Variants in SGCD observed in about 807,000 individuals in gnomAD.
SGCD encodes delta-sarcoglycan.
Under a neutral mutation model 36.6 loss-of-function variants are expected in SGCD, and 18 were observed. The ratio of observed to expected loss-of-function variants is 0.49; its 90% confidence interval spans 0.34 to 0.73. The LOEUF (loss-of-function observed/expected upper bound fraction) is 0.73. Ranked by LOEUF, SGCD falls within the 30% of genes least tolerant of loss-of-function variation. SGCD has a pLI of 0.01. For synonymous variants in SGCD, 133 were observed against 130.6 expected (o/e 1.02, Z -0.12); for missense variants, 387 against 346.7 (o/e 1.12, Z -0.92).
intron 7 of SGCD, among the ~76,000 whole-genome samples, chr5:156,701,279 A>G (rs1441356646): frequency 6.6e-6 from 1 of 152,196 alleles, no homozygotes; most frequent in African/African-American, 2.4e-5. Flanking sequence ...AGTTGCTCAG[A>G]CATGCATAAA....
intron 3 of SGCD, among the ~76,000 whole-genome samples, chr5:156,219,014 A>C (rs879896341): frequency 2.6e-5 from 4 of 152,104 alleles, no homozygotes; most frequent in Admixed American, 2.6e-4. Flanking sequence ...ATGTGTCATC[A>C]CCTCAAAGGA....
chr5:156,071,590 A>G (rs1760564200), intron 1 of SGCD, among the ~76,000 whole-genome samples: 1 of 152,178 alleles, frequency 6.6e-6, no homozygotes, highest in Admixed American at 6.5e-5. Flanking sequence ...TGTGTTGCTG[A>G]AAAAAATGTA....
intron 1 of SGCD, among the ~76,000 whole-genome samples, chr5:155,894,550 G>T (rs76627121): frequency 6.6e-6 from 1 of 152,118 alleles, no homozygotes; most frequent in Non-Finnish European, 1.5e-5. Context: ...ACCAGTGAGC[G>T]TGAAGCTTCA....
At chr5:155,798,135 C>T in the SGCD span, among the ~76,000 whole-genome samples, 11 of 152,178 alleles carry the variant, frequency 7.2e-5, no homozygotes, top group African/African-American at 2.7e-4. Context: ...GCCTATAAAC[C>T]ACACAGATTC....
chr5:156,038,681 T>G (rs1759558464), intron 1 of SGCD, among the ~76,000 whole-genome samples: 1 of 152,120 alleles, frequency 6.6e-6, no homozygotes, highest in South Asian at 2.1e-4. Context: ...AGAGGCAACA[T>G]GGCTACATAA....
chr5:155,835,211 T>C, the SGCD span, among the ~76,000 whole-genome samples: 1 of 151,958 alleles, frequency 6.6e-6, no homozygotes, highest in African/African-American at 2.4e-5. Context: ...TTTTGCCATG[T>C]TGGCCAGGCT....
rs1213241959 is a variant in SGCD at position 156,050,452 on chromosome 5, A to G, written c.-281-67426A>G. ...AGTATCATGTAAACATAACTTTTCCATGTACTAGGAAACCAAAAAATTCTT... is the reference window on the plus strand; with the variant it reads ...AGTATCATGTAAACATAACTTTTCCGTGTACTAGGAAACCAAAAAATTCTT... On this transcript the variant is annotated intron_variant, in intron 1 of 9. Transcript: ENST00000517913. Among the ~76,000 whole-genome samples the G allele has an allele frequency of 2.0e-5, 3 of 146,770 alleles. 1 individual carries two copies. Among genetic ancestry groups the G allele is most frequent in the Non-Finnish European group, 4.6e-5 (3 of 65,048 alleles).
At chr5:156,728,550 C>T (rs969447231) in intron 7 of SGCD, among the ~76,000 whole-genome samples, 4 of 141,582 alleles carry the variant, frequency 2.8e-5, no homozygotes, top group Admixed American at 7.2e-5. Context: ...AGAGTCACTG[C>T]ACATGCTTAG....
intron 1 of SGCD, among the ~76,000 whole-genome samples, chr5:156,030,028 T>C (rs2127575351): frequency 6.6e-6 from 1 of 152,294 alleles, no homozygotes; most frequent in Non-Finnish European, 1.5e-5. Context: ...CACATAATTT[T>C]GTGCTCAGAT....
chr5:155,962,267 A>T (rs186245383), intron 1 of SGCD, among the ~76,000 whole-genome samples: 1 of 152,200 alleles, frequency 6.6e-6, no homozygotes, highest in Non-Finnish European at 1.5e-5. Flanking sequence ...TCATTCTATC[A>T]GGTGTCTGTC....
At chr5:155,777,817 A>C in the SGCD span, among the ~76,000 whole-genome samples, 1 of 152,022 alleles carries the variant, frequency 6.6e-6, no homozygotes, top group Non-Finnish European at 1.5e-5. Flanking sequence ...TTTGTTATTC[A>C]ATCCATATGC....
chr5:156,278,191 A>C (rs1274044046), intron 3 of SGCD, among the ~76,000 whole-genome samples: 1 of 152,188 alleles, frequency 6.6e-6, no homozygotes, highest in Non-Finnish European at 1.5e-5. Context: ...GGACTGGTAT[A>C]TAGTGAGCAA....
chr5:156,267,796 C>T (rs557890053), intron 3 of SGCD, among the ~76,000 whole-genome samples: 1 of 152,258 alleles, frequency 6.6e-6, no homozygotes, highest in Admixed American at 6.5e-5. Context: ...TTGACCAAGG[C>T]AAATTTAAAA....
chr5:155,837,505 T>C, the SGCD span, among the ~76,000 whole-genome samples: 1 of 152,306 alleles, frequency 6.6e-6, no homozygotes, highest in African/African-American at 2.4e-5. Flanking sequence ...TTTTTGAAGA[T>C]ACATACTATT....
chr5:155,798,172 G>T, the SGCD span, among the ~76,000 whole-genome samples: 1 of 152,030 alleles, frequency 6.6e-6, no homozygotes, highest in Non-Finnish European at 1.5e-5. Flanking sequence ...TTTACTTCTT[G>T]CCATAAGAAT....
intron 1 of SGCD, among the ~76,000 whole-genome samples, chr5:155,879,512 G>A (rs1461235284): frequency 1.3e-5 from 2 of 152,044 alleles, no homozygotes; most frequent in Non-Finnish European, 2.9e-5. Flanking sequence ...GAATGATTGA[G>A]TAACCACACA....
intron 7 of SGCD, among the ~76,000 whole-genome samples, chr5:156,728,705 A>G (rs186241559): frequency 6.6e-5 from 10 of 152,154 alleles, no homozygotes; most frequent in African/African-American, 2.2e-4. Context: ...TGCTTAGAGT[A>G]GCATTTTTTT....
At chr5:155,783,182 A>G in the SGCD span, among the ~76,000 whole-genome samples, 3 of 152,204 alleles carry the variant, frequency 2.0e-5, no homozygotes, top group East Asian at 5.8e-4. Flanking sequence ...TATGTGCTAT[A>G]TGTACAGAAG....
At chr5:156,173,450 G>T (rs950912755) in intron 3 of SGCD, among the ~76,000 whole-genome samples, 1 of 151,804 alleles carries the variant, frequency 6.6e-6, no homozygotes, top group African/African-American at 2.4e-5. Flanking sequence ...ATACATGAAA[G>T]AAGTAAATAA....
Sources: allele counts gnomAD v4.1 joint callset (sites outside exome capture counted in the v4.1 genomes callset), GRCh38; gene constraint gnomAD v4.1.1; transcripts MANE v1.5; gene names NCBI Gene and HGNC (gene_info 2026-07-23, HGNC 2026-07-21).